Variants in EYS observed in about 807,000 individuals in gnomAD.
EYS encodes the protein EGF-like photoreceptor maintenance factor, also known as protein eyes shut homolog.
Under a neutral mutation model 282.1 loss-of-function variants are expected in EYS, and 250 were observed. The ratio of observed to expected loss-of-function variants is 0.89; its 90% CI spans 0.80 to 0.98. EYS has a LOEUF of 0.98. Ranked by LOEUF, EYS falls within the 50% of genes least tolerant of loss-of-function variation. The probability of loss-of-function intolerance (pLI) is 0.00; values close to 1 mark genes in which losing one functional copy is unlikely to be tolerated. For missense variants in EYS, 4,016 were observed against 3,709.0 expected, an observed-to-expected ratio of 1.08 and a Z score of -2.15; for synonymous variants, 1,355 against 1,282.9, an observed-to-expected ratio of 1.06 and a Z score of -1.20.
At chr6:65,475,521 T>G (rs1765368104) in intron 5 of EYS, among the ~76,000 whole-genome samples, 1 of 152,262 alleles carries the variant, frequency 6.6e-6, no homozygotes, top group African/African-American at 2.4e-5. Context: ...AAAATAATTT[T>G]ATATTTAGTT....
chr6:64,678,942 G>A (rs1328265748), intron 22 of EYS, among the ~76,000 whole-genome samples: 1 of 149,432 alleles, frequency 6.7e-6, no homozygotes, highest in Non-Finnish European at 1.5e-5. Context: ...AGCAAAGATT[G>A]TGCCACTGCA....
intron 1 of EYS, among the ~76,000 whole-genome samples, chr6:65,640,202 T>C (rs1767229844): frequency 1.3e-5 from 2 of 152,204 alleles, no homozygotes; most frequent in Non-Finnish European, 2.9e-5. Flanking sequence ...ATAATGCTTT[T>C]CCCATTCCAT....
At chr6:64,815,315 C>T in intron 21 of EYS, 1 of 341,078 alleles carries the variant, frequency 2.9e-6, no homozygotes, top group Non-Finnish European at 5.9e-6. Flanking sequence ...ATGCAGAATT[C>T]CACAGGGAGT....
At chr6:64,883,542 G>C (rs1234733459) in intron 19 of EYS, among the ~76,000 whole-genome samples, 1 of 151,230 alleles carries the variant, frequency 6.6e-6, no homozygotes, top group African/African-American at 2.4e-5. Flanking sequence ...TTTATCTACA[G>C]ATTAATAATA....
At chr6:65,317,422 C>A (rs1159833044) in intron 11 of EYS, among the ~76,000 whole-genome samples, 1 of 152,120 alleles carries the variant, frequency 6.6e-6, no homozygotes. Context: ...CTTGTAAATA[C>A]TGTTTTTCAT....
intron 31 of EYS, among the ~76,000 whole-genome samples, chr6:64,142,111 G>C (rs1379643963): frequency 6.6e-6 from 1 of 152,082 alleles, no homozygotes; most frequent in African/African-American, 2.4e-5. Context: ...TCGAGGTGGA[G>C]AGAAAAAGAT....
At chr6:64,296,264 A>G (rs74532865) in intron 30 of EYS, among the ~76,000 whole-genome samples, 5,095 of 152,218 alleles carry the variant, frequency 0.033, 195 homozygotes, top group African/African-American at 0.092. Flanking sequence ...CAAAATAATT[A>G]CAGGACAGAT....
intron 15 of EYS, among the ~76,000 whole-genome samples, chr6:64,930,366 T>C (rs1472792800): frequency 6.6e-6 from 1 of 151,032 alleles, no homozygotes; most frequent in Non-Finnish European, 1.5e-5. Context: ...CTCTTAAAGA[T>C]AGATATTGTG....
At chr6:64,433,487 T>C (rs555757471) in intron 28 of EYS, among the ~76,000 whole-genome samples, 20 of 152,154 alleles carry the variant, frequency 1.3e-4, no homozygotes, top group African/African-American at 4.6e-4. Context: ...ATGATAATCA[T>C]GGACAAAATA....
chr6:64,471,984 A>AG (rs1337242393), intron 26 of EYS, among the ~76,000 whole-genome samples: 1 of 152,018 alleles, frequency 6.6e-6, no homozygotes, highest in African/African-American at 2.4e-5. Flanking sequence ...CAACACAAAA[A>AG]AAATTTGAGG....
At chr6:65,167,365 G>C (rs886087335) in intron 12 of EYS, among the ~76,000 whole-genome samples, 1 of 151,230 alleles carries the variant, frequency 6.6e-6, no homozygotes, top group Non-Finnish European at 1.5e-5. Context: ...AACCTTGAAA[G>C]TATTATGTTC....
chr6:65,533,050 T>C (rs1003557613), intron 2 of EYS, among the ~76,000 whole-genome samples: 34 of 152,202 alleles, frequency 2.2e-4, no homozygotes, highest in Middle Eastern at 6.8e-3. Flanking sequence ...AAAATATGTA[T>C]AAAAATTACT....
intron 33 of EYS, among the ~76,000 whole-genome samples, chr6:64,022,795 G>A (rs932949776): frequency 6.6e-6 from 1 of 152,120 alleles, no homozygotes; most frequent in African/African-American, 2.4e-5. Context: ...CAAAACTAGT[G>A]CCAATGAATT....
At chr6:65,541,107 A>C (rs1315644587) in intron 2 of EYS, among the ~76,000 whole-genome samples, 4 of 151,906 alleles carry the variant, frequency 2.6e-5, no homozygotes, top group African/African-American at 9.7e-5. Context: ...TGTTGGCCTC[A>C]TATTCCTTTT....
At chr6:64,237,849 T>C (rs1237774058) in intron 30 of EYS, among the ~76,000 whole-genome samples, 1 of 152,150 alleles carries the variant, frequency 6.6e-6, no homozygotes, top group African/African-American at 2.4e-5. Flanking sequence ...TGTCATTATA[T>C]TAAAGGAGGA....
At chr6:63,992,206 C>T (rs1450416318) in intron 34 of EYS, among the ~76,000 whole-genome samples, 10 of 151,740 alleles carry the variant, frequency 6.6e-5, no homozygotes, top group Non-Finnish European at 1.5e-5. Context: ...TACTGTAATA[C>T]TGTAATCATG....
At chr6:64,071,624 A>G (rs1329894532) in intron 32 of EYS, among the ~76,000 whole-genome samples, 4 of 148,784 alleles carry the variant, frequency 2.7e-5, no homozygotes, top group Admixed American at 1.3e-4. Flanking sequence ...ATATAAAAAC[A>G]CATGTCATTT....
chr6:64,515,904 A>G (rs1777547337), intron 26 of EYS, among the ~76,000 whole-genome samples: 1 of 151,834 alleles, frequency 6.6e-6, no homozygotes, highest in Non-Finnish European at 1.5e-5. Context: ...AATGTAATTT[A>G]CATTTATAGC....
chr6:65,320,945 G>A (rs1471494465), intron 11 of EYS, among the ~76,000 whole-genome samples: 1 of 152,132 alleles, frequency 6.6e-6, no homozygotes, highest in Non-Finnish European at 1.5e-5. Flanking sequence ...AGGCAATCAG[G>A]TCTGCATCAC....
Sources: gnomAD v4.1 joint callset for allele counts (sites outside exome capture counted in the v4.1 genomes callset) on GRCh38, gnomAD v4.1.1 for gene constraint, MANE v1.5 for transcripts, NCBI Gene and HGNC (gene_info 2026-07-23, HGNC 2026-07-21) for gene names.